Variants in CPE observed in about 807,000 individuals in gnomAD.
CPE encodes the protein carbocypeptidase E.
A neutral mutation model predicts 53.5 loss-of-function variants in CPE; 17 were observed. That is an observed-to-expected ratio of 0.32 (90% confidence interval 0.22 to 0.48). CPE has a LOEUF of 0.48. CPE is among the 20% of genes least tolerant of loss of function. CPE has a pLI of 0.99. For synonymous variants in CPE, 226 were observed against 228.8 expected (o/e 0.99, Z 0.11); for missense variants, 524 against 614.7 (o/e 0.85, Z 1.56).
At chr4:165,423,395 T>C (rs55830608) in intron 1 of CPE, among the ~76,000 whole-genome samples, 44,902 of 151,910 alleles carry the variant, frequency 0.3, 6,730 homozygotes, top group Middle Eastern at 0.39. Context: ...TTTAAAAAAG[T>C]TTTATGCCTC....
At chr4:165,457,825 A>T (rs1731928538) in intron 1 of CPE, among the ~76,000 whole-genome samples, 3 of 152,002 alleles carry the variant, frequency 2.0e-5, no homozygotes, top group African/African-American at 7.3e-5. Flanking sequence ...TCCTTTCTCC[A>T]CTTTTTTCTT....
In CPE at chr4:165,479,083, G is replaced by A. The variant is rs74756823; in HGVS notation, c.673-3159G>A. 2.9e-3 allele frequency among the ~76,000 whole-genome samples: 446 copies of A among 152,234 alleles called. 2 individuals are homozygous for A. Among genetic ancestry groups the A allele is most frequent in the African/African-American group, 9.9e-3 (412 of 41,530 alleles). Reference sequence around the variant, plus strand: ...GAGATGTACAAAGAAGAGGAGGACTGAAAATAAATTCAATAGTAAAAGAAA... The same window carrying A: ...GAGATGTACAAAGAAGAGGAGGACTAAAAATAAATTCAATAGTAAAAGAAA... On this transcript the variant is annotated intron_variant, in intron 3 of 8. Transcript: ENST00000402744.
At chr4:165,407,855 C>G (rs1579247700) in intron 1 of CPE, among the ~76,000 whole-genome samples, 1 of 146,106 alleles carries the variant, frequency 6.8e-6, no homozygotes, top group East Asian at 2.0e-4. Context: ...CGCGCCCGAC[C>G]CAACTTTTTT....
In CPE at chr4:165,497,627, C is replaced by G. The variant is rs1417007920; in HGVS notation, c.*17C>G. On this transcript the variant is annotated 3_prime_UTR_variant, in exon 9 of 9. Coordinates refer to ENST00000402744, the MANE Select transcript of CPE (RefSeq NM_001873.4). ...AATTTTTAAAAAGGCTTCTAGTTAGCTGCTTTAAATCTATCTATATAATGT... is the reference window on the plus strand; with the variant it reads ...AATTTTTAAAAAGGCTTCTAGTTAGGTGCTTTAAATCTATCTATATAATGT... 2.7e-6 allele frequency: 4 copies of G among 1,470,488 alleles called. No individual in the cohort carries two copies. The African/African-American group carries it at 5.7e-5, about 21-fold the overall frequency. The allele number at this position is 1,470,488 out of a possible 1,614,324, so 91.1% of individuals were successfully genotyped here.
At chr4:165,457,933 T>C (rs1407001126) in intron 1 of CPE, among the ~76,000 whole-genome samples, 2 of 152,214 alleles carry the variant, frequency 1.3e-5, no homozygotes, top group Non-Finnish European at 2.9e-5. Context: ...TTGCATTTCC[T>C]TTAGGAATAT....
chr4:165,472,280 C>T (rs1000813240), intron 3 of CPE, among the ~76,000 whole-genome samples: 1 of 152,158 alleles, frequency 6.6e-6, no homozygotes, highest in East Asian at 1.9e-4. Context: ...TTAAAGTTAT[C>T]AGCAACCTGC....
At chr4:165,380,538 A>G (rs1730491223) in intron 1 of CPE, among the ~76,000 whole-genome samples, 1 of 152,230 alleles carries the variant, frequency 6.6e-6, no homozygotes, top group Admixed American at 6.5e-5. Flanking sequence ...CAGCTAAAGT[A>G]ATCTGTGCTA....
In CPE at chr4:165,398,071, AC is replaced by A. The variant is rs377749311; in HGVS notation, c.307+18544del. 2.2e-3 allele frequency among the ~76,000 whole-genome samples: 336 copies of A among 149,878 alleles called. 1 individual carries two copies. Among genetic ancestry groups the A allele is most frequent in the African/African-American group, 7.6e-3 (311 of 40,654 alleles). On this transcript the variant is annotated intron_variant, in intron 1 of 8. Transcript: ENST00000402744. ...ATTTCTAAAAAAAAAAAAAAAAAAA[AC>A]AAAACCCCACTAAGGTTTTAATGTT...
chr4:165,488,066 T>G (rs540351016), intron 6 of CPE, among the ~76,000 whole-genome samples: 1 of 152,202 alleles, frequency 6.6e-6, no homozygotes, highest in South Asian at 2.1e-4. Context: ...TCACAGGTAA[T>G]AATAATAATA....
At chr4:165,436,323 A>G (rs1204202827) in intron 1 of CPE, among the ~76,000 whole-genome samples, 1 of 152,152 alleles carries the variant, frequency 6.6e-6, no homozygotes, top group Admixed American at 6.6e-5. Flanking sequence ...GCAGTTGGAA[A>G]AACATTTTTC....
At chr4:165,490,765 A>G (rs1454443672) in intron 6 of CPE, among the ~76,000 whole-genome samples, 1 of 151,916 alleles carries the variant, frequency 6.6e-6, no homozygotes, top group Non-Finnish European at 1.5e-5. Context: ...AAGTATCTTC[A>G]TTTGCAGCAA....
chr4:165,411,336 T>C (rs537348560), intron 1 of CPE, among the ~76,000 whole-genome samples: 2 of 152,314 alleles, frequency 1.3e-5, no homozygotes, highest in African/African-American at 4.8e-5. Flanking sequence ...CTTCCCTCCA[T>C]CCCTCTTCCT....
chr4:165,471,005 G>A (rs1732196331), intron 3 of CPE, among the ~76,000 whole-genome samples: 1 of 152,160 alleles, frequency 6.6e-6, no homozygotes, highest in Non-Finnish European at 1.5e-5. Context: ...ACATGATGGT[G>A]TCTCTCACTG....
At position 165,493,059 on chromosome 4, in the gene CPE, G is replaced by T. The variant is rs79474947; in HGVS notation, c.1114-112G>T. 5,792 of 648,104 alleles carry T rather than the reference G, an allele frequency of 8.9e-3. 220 individuals are homozygous for T. Among genetic ancestry groups the T allele is most frequent in the African/African-American group, 0.082 (4,435 of 54,120 alleles). The allele number at this position is 648,104 out of a possible 1,614,324, so 40.1% of individuals were successfully genotyped here. On this transcript the variant is annotated intron_variant, in intron 6 of 8. Transcript: ENST00000402744. The stretch of plus-strand genomic sequence containing the variant: ...ATGTCTTGATTCTTAAACAATGGGG[G>T]TCTACGGTATTTGCTGGAAAATAAA...
intron 1 of CPE, chr4:165,404,804 G>A: frequency 1.3e-6 from 1 of 771,452 alleles, no homozygotes; most frequent in African/African-American, 1.7e-5. Flanking sequence ...GGTGTCTTTG[G>A]AAGTCTTCTT....
chr4:165,401,324 T>C (rs1481389949), intron 1 of CPE, among the ~76,000 whole-genome samples: 2 of 152,226 alleles, frequency 1.3e-5, no homozygotes, highest in African/African-American at 4.8e-5. Flanking sequence ...ATAACCCTTG[T>C]TTCTCCCCAG....
At chr4:165,457,517 G>C (rs1731922067) in intron 1 of CPE, among the ~76,000 whole-genome samples, 1 of 152,120 alleles carries the variant, frequency 6.6e-6, no homozygotes, top group South Asian at 2.1e-4. Context: ...CCTTCAATTA[G>C]AATCTTAGTA....
intron 3 of CPE, among the ~76,000 whole-genome samples, chr4:165,480,422 G>T (rs1345573616): frequency 2.0e-5 from 3 of 152,190 alleles, no homozygotes; most frequent in Non-Finnish European, 4.4e-5. Context: ...TAGCTACAAA[G>T]GTGTTCATAG....
rs1269851834 is a variant in CPE at position 165,478,264 on chromosome 4, C to G, written c.673-3978C>G. On this transcript the variant is annotated intron_variant, in intron 3 of 8. Transcript: ENST00000402744. ...TAAAGGCTCAATTTTAAAGGTACTC[C>G]AAAGTCTTCTCTGTGGATCAGTTAA... Among the ~76,000 whole-genome samples the G allele has an allele frequency of 2.0e-5, 3 of 152,116 alleles. No individual in the cohort carries two copies. The East Asian group carries it at 5.8e-4, about 29-fold the overall frequency.
Sources: allele counts gnomAD v4.1 joint callset (sites outside exome capture counted in the v4.1 genomes callset), GRCh38; gene constraint gnomAD v4.1.1; transcripts MANE v1.5; gene names NCBI Gene and HGNC (gene_info 2026-07-23, HGNC 2026-07-21).